The following SYNE2 variants were observed in gnomAD, a reference collection of about 807,000 sequenced individuals.
SYNE2 encodes the protein nesprin-2.
In SYNE2, 431 loss-of-function variants were observed where a neutral mutation model predicts 856.3. The observed-to-expected ratio is 0.50, with a 90% confidence interval of 0.47 to 0.55. The LOEUF is 0.55. Ranked by LOEUF, SYNE2 falls within the 20% of genes least tolerant of loss-of-function variation. SYNE2 has a pLI of 0.00. For synonymous variants in SYNE2, 2,923 were observed against 2,872.3 expected, an observed-to-expected ratio of 1.02 and a Z score of -0.56; for missense variants, 8,129 against 8,023.2, an observed-to-expected ratio of 1.01 and a Z score of -0.50.
Position 64,119,625 on chromosome 14 carries a change from C to T in SYNE2, c.13023+16C>T. ...TGAAGATCAGGTAAAAAATGACTAT[C>T]TATGGACATTCATCTTGATACACAT... On this transcript the variant is annotated intron_variant, in intron 67 of 115. Transcript: ENST00000555002. 2 of 1,613,186 alleles carry T rather than the reference C, an allele frequency of 1.2e-6. No individual in the cohort carries two copies. Among genetic ancestry groups the T allele is most frequent in the Non-Finnish European group, 1.7e-6 (2 of 1,179,344 alleles).
intron 27 of SYNE2, among the ~76,000 whole-genome samples, chr14:63,999,412 C>G (rs960211799): frequency 6.6e-6 from 1 of 152,160 alleles, no homozygotes; most frequent in Non-Finnish European, 1.5e-5. Flanking sequence ...CAAAGTCAAC[C>G]AGCCAGTGAC....
chr14:63,789,461 A>G (rs1250088286), intron 1 of SYNE2, among the ~76,000 whole-genome samples: 4 of 152,118 alleles, frequency 2.6e-5, no homozygotes, highest in Non-Finnish European at 5.9e-5. Flanking sequence ...AAATATTCCC[A>G]TTTCCCATCT....
chr14:63,910,544 C>A lies in SYNE2; in HGVS notation c.79+1317C>A, dbSNP rs151046301. ...ATATTCAGATGTAGATGGAATCAAG[C>A]TTTCATTTAACTGGAAAAAAATTAT... On this transcript the variant is annotated intron_variant, in intron 2 of 115. Transcript: ENST00000555002. Among the ~76,000 whole-genome samples, 386 of 152,308 alleles carry A rather than the reference C, an allele frequency of 2.5e-3. 2 individuals carry two copies. The highest frequency in any genetic ancestry group is 3.7e-3 in the Non-Finnish European group (251 of 68,024).
intron 9 of SYNE2, among the ~76,000 whole-genome samples, chr14:63,963,165 T>A (rs1196704154): frequency 6.6e-6 from 1 of 152,218 alleles, no homozygotes; most frequent in Non-Finnish European, 1.5e-5. Flanking sequence ...AGTCTCAAGC[T>A]GAGATGCAGG....
chr14:63,966,954 C>G (rs1347097585), intron 10 of SYNE2, among the ~76,000 whole-genome samples: 1 of 152,066 alleles, frequency 6.6e-6, no homozygotes, highest in Non-Finnish European at 1.5e-5. Flanking sequence ...CAACCTCTGC[C>G]TCCCTGGTTC....
At chr14:63,915,477 A>C (rs988521545) in intron 2 of SYNE2, among the ~76,000 whole-genome samples, 1 of 152,228 alleles carries the variant, frequency 6.6e-6, no homozygotes, top group Non-Finnish European at 1.5e-5. Flanking sequence ...AATGCTCTAG[A>C]AAAACAGCAT....
chr14:64,024,835 A>G lies in SYNE2; in HGVS notation c.5841-77A>G, dbSNP rs1356784835. The G allele has an allele frequency of 7.4e-6, 11 of 1,493,162 alleles. No homozygotes were observed. In the East Asian group the frequency reaches 2.5e-4, roughly 34 times the overall value. The allele number at this position is 1,493,162 out of a possible 1,614,324, so 92.5% of individuals were successfully genotyped here. A position where few individuals can be genotyped will look rare whatever the true frequency, so the allele number is the denominator to read the frequency against. On this transcript the variant is annotated intron_variant, in intron 39 of 115. Transcript: ENST00000555002. Reference sequence around the variant, plus strand: ...ATTATAAAAACCTGGTTGAGTCACAAGGTTTGTGCCATCCTTTTCTTTGGT... The same window carrying G: ...ATTATAAAAACCTGGTTGAGTCACAGGGTTTGTGCCATCCTTTTCTTTGGT...
chr14:63,955,726 T>C (rs1406718323), intron 8 of SYNE2, among the ~76,000 whole-genome samples: 1 of 152,184 alleles, frequency 6.6e-6, no homozygotes, highest in Admixed American at 6.5e-5. Flanking sequence ...TTTACTGATA[T>C]TAAGGAATAT....
chr14:64,059,650 C>G (rs2097300817), intron 49 of SYNE2, among the ~76,000 whole-genome samples: 1 of 152,226 alleles, frequency 6.6e-6, no homozygotes, highest in Non-Finnish European at 1.5e-5. Flanking sequence ...TGGGCCTTGC[C>G]CAAGGCCCTC....
chr14:64,185,357 A>G (rs2098483263), intron 96 of SYNE2, among the ~76,000 whole-genome samples: 1 of 152,158 alleles, frequency 6.6e-6, no homozygotes, highest in Non-Finnish European at 1.5e-5. Context: ...CCAAGTCATG[A>G]AGAATTGTAA....
intron 1 of SYNE2, among the ~76,000 whole-genome samples, chr14:63,818,036 A>C (rs1196808877): frequency 6.7e-6 from 1 of 149,354 alleles, no homozygotes; most frequent in Non-Finnish European, 1.5e-5. Context: ...AAAAAAAAAA[A>C]AAAAAAAAAA....
intron 1 of SYNE2, among the ~76,000 whole-genome samples, chr14:63,885,363 G>A (rs1193700051): frequency 6.6e-6 from 1 of 152,092 alleles, no homozygotes; most frequent in Non-Finnish European, 1.5e-5. Flanking sequence ...GCTCTATTTG[G>A]TGTCCCTTGA....
intron 23 of SYNE2, among the ~76,000 whole-genome samples, chr14:63,996,062 C>T (rs1054351825): frequency 9.2e-5 from 14 of 152,116 alleles, no homozygotes; most frequent in Admixed American, 5.9e-4. Flanking sequence ...TAGATATCAC[C>T]AGTGTTTTTC....
chr14:63,880,945 C>G (rs1229251967), intron 1 of SYNE2, among the ~76,000 whole-genome samples: 1 of 151,758 alleles, frequency 6.6e-6, no homozygotes, highest in African/African-American at 2.4e-5. Flanking sequence ...CTCCCGAGTT[C>G]AAGCAATTTG....
chr14:64,181,962 G>C lies in SYNE2; in HGVS notation c.17557-4462G>C, dbSNP rs193210566. Among the ~76,000 whole-genome samples, 40 of 152,298 alleles carry C rather than the reference G, an allele frequency of 2.6e-4. No homozygotes were observed. In the East Asian group the frequency reaches 6.2e-3, roughly 23 times the overall value. ...TATAAGTAAAATTTTTCTCTTATCAGTTCCTCTCCACAGAAGCAATCAATG... is the reference window on the plus strand; with the variant it reads ...TATAAGTAAAATTTTTCTCTTATCACTTCCTCTCCACAGAAGCAATCAATG... On this transcript the variant is annotated intron_variant, in intron 96 of 115. Transcript: ENST00000555002.
chr14:63,954,871 T>C lies in SYNE2; in HGVS notation c.743T>C (p.Ile248Thr). ...NKDNLREAFRIAEQELKIPRL... is the reference protein window; with the variant it reads ...NKDNLREAFRTAEQELKIPRL... ...GACAATCTGAGAGAGGCCTTCAGAA[T>C]TGCAGAACAAGAATTAAAAATCCCC... The change falls in exon 8 of 116, where the codon ATT becomes ACT. Residue 248 changes from isoleucine to threonine, a missense_variant. Around this residue, in one of 3 missense-constraint regions of SYNE2, gnomAD observed 2,422 missense variants for 2,357.4 expected, o/e 1.03. Transcript: ENST00000555002. The C allele has an allele frequency of 6.2e-7, 1 of 1,613,878 alleles. No homozygotes were observed. The highest frequency in any genetic ancestry group is 8.5e-7 in the Non-Finnish European group (1 of 1,179,954).
intron 11 of SYNE2, among the ~76,000 whole-genome samples, chr14:63,968,449 GCTTCTCTACTATC>G (rs1384947578): frequency 6.6e-6 from 1 of 152,068 alleles, no homozygotes; most frequent in Non-Finnish European, 1.5e-5. Flanking sequence ...ACCTGTGGCG[GCTTCTCTACTATC>G]ATGTATCAAT....
At position 64,052,177 on chromosome 14, in the gene SYNE2, C is replaced by G. The variant is rs368845733; in HGVS notation, c.8264C>G (p.Pro2755Arg). ...NLLGELNPSI[P>R]LLPDDILSQI... ...TTGGGTGAACTTAATCCCTCCATTC[C>G]CCTTCTCCCAGATGACATTCTTTCA... The change falls in exon 48 of 116, where the codon CCC (proline) becomes CGC (arginine). Residue 2755 changes from proline to arginine, a missense_variant. Transcript: ENST00000555002. 5 of 1,613,990 alleles carry G rather than the reference C, an allele frequency of 3.1e-6. No homozygotes were observed. The African/African-American group carries it at 6.7e-5, about 22-fold the overall frequency.
chr14:63,816,698 T>TTTTCAA (rs1566586250), intron 1 of SYNE2, among the ~76,000 whole-genome samples: 1 of 148,584 alleles, frequency 6.7e-6, no homozygotes. Flanking sequence ...CAAACAGGTC[T>TTTTCAA]TTTTAATTTT....
Sources: gnomAD v4.1 joint callset for allele counts (sites outside exome capture counted in the v4.1 genomes callset) on GRCh38, gnomAD v4.1.1 for gene constraint, gnomAD v4.1.1 regional missense constraint, MANE v1.5 for transcripts, NCBI Gene and HGNC (gene_info 2026-07-23, HGNC 2026-07-21) for gene names.